Variants in OR2G6 observed in about 807,000 individuals in gnomAD.
The protein encoded by OR2G6 is olfactory receptor family 2 subfamily G member 6.
For synonymous variants in OR2G6, 183 were observed against 155.2 expected (o/e 1.18, Z -1.33); for missense variants, 457 against 391.3 (o/e 1.17, Z -1.42).
rs1664312582 is a variant in OR2G6 at position 248,522,466 on chromosome 1, G to T, written c.820G>T (p.Val274Phe). ...GAGATCCAAAAACCAGGGAAAGTTT[G>T]TTTCTCTTTTCTATACCATAGTCAC... is the stretch of plus-strand genomic sequence containing the variant. ...NRRSKNQGKFVSLFYTIVTPL... is the reference protein window; with the variant it reads ...NRRSKNQGKFFSLFYTIVTPL... The change falls in exon 2 of 2, where the codon GTT becomes TTT. Residue 274 changes from valine to phenylalanine, a missense_variant. Transcript: ENST00000641804. The T allele has an allele frequency of 1.2e-6, 2 of 1,613,522 alleles. No homozygotes were observed. The highest frequency in any genetic ancestry group is 8.5e-7 in the Non-Finnish European group (1 of 1,179,942).
In OR2G6 at chr1:248,522,835, A is replaced by C; in HGVS notation, c.*238A>C. On this transcript the variant is annotated 3_prime_UTR_variant, in exon 2 of 2. Transcript: ENST00000641804. ...ATTCTAAAGAAGAGAAACACACCAA[A>C]GCAGCATGAGGGTTCATCCTCCCAG... 1 of 479,874 alleles carries C rather than the reference A, an allele frequency of 2.1e-6. No homozygotes were observed. Among genetic ancestry groups the C allele is most frequent in the Middle Eastern group, 5.3e-4 (1 of 1,876 alleles). 29.7% of individuals were successfully genotyped at this position (479,874 alleles called of 1,614,324 possible). A position where few individuals can be genotyped will look rare whatever the true frequency, so the allele number is the denominator to read the frequency against.
At position 248,521,591 on chromosome 1, in the gene OR2G6, C is replaced by T. The variant is rs891181469; in HGVS notation, c.-36-20C>T. 3 of 1,255,372 alleles carry T rather than the reference C, an allele frequency of 2.4e-6. No individual in the cohort carries two copies. Among genetic ancestry groups the T allele is most frequent in the Admixed American group, 2.0e-5 (1 of 50,688 alleles). 77.8% of individuals were successfully genotyped at this position (1,255,372 alleles called of 1,614,324 possible). On this transcript the variant is annotated intron_variant, in intron 1 of 1. Transcript: ENST00000641804. ...ATTCTTGACCTCATTACTTTCTATC[C>T]CCAAATATTAATCACTTAGTATTTG... is the stretch of plus-strand genomic sequence containing the variant.
rs1664369201 is a variant in OR2G6 at position 248,525,147 on chromosome 1, G to GAAAC, written c.*2550_*2551insAAAC. The GAAAC allele has an allele frequency of 6.6e-6, 1 of 151,880 alleles. No homozygotes were observed. Among genetic ancestry groups the GAAAC allele is most frequent in the East Asian group, 1.9e-4 (1 of 5,190 alleles). The allele number at this position is 151,880 out of a possible 1,614,324, so 9.4% of individuals were successfully genotyped here. ...TCTTCCCTATAATTGAATAACATGA[G>GAAAC]TAGTTTCTCTTTTTTAAATACCTAC... On this transcript the variant is annotated 3_prime_UTR_variant, in exon 2 of 2. Coordinates refer to ENST00000641804, the MANE Select transcript of OR2G6 (RefSeq NM_001013355.2).
rs115003693 is a variant in OR2G6, at chr1:248,522,557, T to C, written c.911T>C (p.Leu304Pro). 3.3e-5 allele frequency: 53 copies of C among 1,613,392 alleles called. No homozygotes were observed. In the African/African-American group the frequency reaches 6.8e-4, roughly 21 times the overall value. The change falls in exon 2 of 2, where the codon CTG (leucine) becomes CCG (proline). Residue 304 changes from leucine (L) to proline (P), a missense_variant. Physicochemically the swap from Leu to Pro is moderately conservative, Grantham distance 98 (BLOSUM62 -3). Transcript: ENST00000641804. ...GATGTGAAAGGGGCCTTGAGGACCC[T>C]GATACTGGGTAGTGCTGCTGGACAA... Reference protein sequence around the residue: ...NKDVKGALRTLILGSAAGQSH... With the variant: ...NKDVKGALRTPILGSAAGQSH...
rs930526630 is a variant in OR2G6 at position 248,523,969 on chromosome 1, C to G, written c.*1372C>G. ...TTTCTTTTTTGGACAGGGTCTTGCT[C>G]TGTTGCCCAGGCTGGAGTGCAGTGG... is the stretch of plus-strand genomic sequence containing the variant. On this transcript the variant is annotated 3_prime_UTR_variant, in exon 2 of 2. Coordinates refer to ENST00000641804, the MANE Select transcript of OR2G6 (RefSeq NM_001013355.2). 2.0e-5 allele frequency: 3 copies of G among 152,214 alleles called. No individual in the cohort carries two copies. Among genetic ancestry groups the G allele is most frequent in the East Asian group, 1.9e-4 (1 of 5,202 alleles). 9.4% of individuals were successfully genotyped at this position (152,214 alleles called of 1,614,324 possible).
Position 248,522,251 on chromosome 1 carries a change from C to G in OR2G6, c.605C>G (p.Ala202Gly). The G allele has an allele frequency of 1.2e-6, 2 of 1,614,064 alleles. No individual in the cohort carries two copies. Among genetic ancestry groups the G allele is most frequent in the Non-Finnish European group, 1.7e-6 (2 of 1,179,968 alleles). The change falls in exon 2 of 2, where the codon GCC becomes GGC. Residue 202 changes from alanine (A) to glycine (G), a missense_variant. Coordinates refer to ENST00000641804, the MANE Select transcript of OR2G6 (RefSeq NM_001013355.2). ...TTCAACGAGGCAGAACTCTTTGTGGCCAGTGTAGTCTTTCTAATTGTCCCG... is the reference window on the plus strand; with the variant it reads ...TTCAACGAGGCAGAACTCTTTGTGGGCAGTGTAGTCTTTCTAATTGTCCCG... ...TTFNEAELFVASVVFLIVPVL... is the reference protein window; with the variant it reads ...TTFNEAELFVGSVVFLIVPVL...
At position 248,523,789 on chromosome 1, in the gene OR2G6, A is replaced by T. The variant is rs971995125; in HGVS notation, c.*1192A>T. On this transcript the variant is annotated 3_prime_UTR_variant, in exon 2 of 2. Transcript: ENST00000641804. ...CTCAAGTATTTTAAGAGAACTGTGC[A>T]ATTATAGAAAAAAGTGATTTAATCT... 1 of 152,332 alleles carries T rather than the reference A, an allele frequency of 6.6e-6. No homozygotes were observed. The highest frequency in any genetic ancestry group is 1.9e-4 in the East Asian group (1 of 5,188). The allele number at this position is 152,332 out of a possible 1,614,324, so 9.4% of individuals were successfully genotyped here. A position where few individuals can be genotyped will look rare whatever the true frequency, so the allele number is the denominator to read the frequency against.
rs971687454 is a variant in OR2G6 at position 248,523,576 on chromosome 1, T to C, written c.*979T>C. On this transcript the variant is annotated 3_prime_UTR_variant, in exon 2 of 2. Transcript: ENST00000641804. ...TCTCACGTTAACGATCATAGTTATA[T>C]GTTTGGTTTCCAAAACAGCAAAAAA... The C allele has an allele frequency of 6.6e-6, 1 of 152,226 alleles. No homozygotes were observed. The highest frequency in any genetic ancestry group is 1.5e-5 in the Non-Finnish European group (1 of 68,050). 9.4% of individuals were successfully genotyped at this position (152,226 alleles called of 1,614,324 possible).
intron 1 of OR2G6, among the ~76,000 whole-genome samples, chr1:248,520,507 C>T (rs1664261142): frequency 1.3e-5 from 2 of 151,968 alleles, no homozygotes; most frequent in African/African-American, 4.8e-5. Flanking sequence ...TTTCATTTTA[C>T]AAATTCTCCC....
chr1:248,524,169 G>A lies in OR2G6; in HGVS notation c.*1572G>A, dbSNP rs1196923265. The A allele has an allele frequency of 1.3e-5, 2 of 152,192 alleles. No homozygotes were observed. Among genetic ancestry groups the A allele is most frequent in the African/African-American group, 4.8e-5 (2 of 41,418 alleles). The allele number at this position is 152,192 out of a possible 1,614,324, so 9.4% of individuals were successfully genotyped here. A position where few individuals can be genotyped will look rare whatever the true frequency, so the allele number is the denominator to read the frequency against. On this transcript the variant is annotated 3_prime_UTR_variant, in exon 2 of 2. Coordinates refer to ENST00000641804, the MANE Select transcript of OR2G6 (RefSeq NM_001013355.2). ...TCTCCTACCAAAGCCTGGACTGAAG[G>A]CAAAATGGCTGCGCACACAAGAACA...
At position 248,523,603 on chromosome 1, in the gene OR2G6, A is replaced by T. The variant is rs938409253; in HGVS notation, c.*1006A>T. The T allele has an allele frequency of 2.0e-5, 3 of 152,182 alleles. No individual in the cohort carries two copies. The highest frequency in any genetic ancestry group is 4.8e-5 in the African/African-American group (2 of 41,432). 9.4% of individuals were successfully genotyped at this position (152,182 alleles called of 1,614,324 possible). On this transcript the variant is annotated 3_prime_UTR_variant, in exon 2 of 2. Transcript: ENST00000641804. ...TTTGGTTTCCAAAACAGCAAAAAAA[A>T]TGAAATATTTAGAAGCATTTTAATA...
In OR2G6 at chr1:248,522,807, G is replaced by A; in HGVS notation, c.*210G>A. 3.8e-6 allele frequency: 2 copies of A among 526,560 alleles called. No individual in the cohort carries two copies. 32.6% of individuals were successfully genotyped at this position (526,560 alleles called of 1,614,324 possible). ...AAAGCCACAGGGACTAGGAAGCATT[G>A]GAATTCTAAAGAAGAGAAACACACC... On this transcript the variant is annotated 3_prime_UTR_variant, in exon 2 of 2. Coordinates refer to ENST00000641804, the MANE Select transcript of OR2G6 (RefSeq NM_001013355.2).
rs1558373090 is a variant in OR2G6, at chr1:248,523,160, T to TTTGC, written c.*563_*564insTTGC. 3.1e-4 allele frequency: 48 copies of TTTGC among 153,616 alleles called. No homozygotes were observed. Among genetic ancestry groups the TTTGC allele is most frequent in the African/African-American group, 1.1e-3 (46 of 41,560 alleles). The allele number at this position is 153,616 out of a possible 1,614,324, so 9.5% of individuals were successfully genotyped here. A position where few individuals can be genotyped will look rare whatever the true frequency, so the allele number is the denominator to read the frequency against. Reference sequence around the variant, plus strand: ...TTTGAGATATATGTATACATATATCTCTAACTAGGCAAAGCAATGTATATA... The same window carrying TTTGC: ...TTTGAGATATATGTATACATATATCTTTGCCTAACTAGGCAAAGCAATGTATATA... On this transcript the variant is annotated 3_prime_UTR_variant, in exon 2 of 2. Coordinates refer to ENST00000641804, the MANE Select transcript of OR2G6 (RefSeq NM_001013355.2).
In OR2G6 at chr1:248,522,608, G is replaced by A; in HGVS notation, c.*11G>A. The A allele has an allele frequency of 3.2e-6, 5 of 1,570,084 alleles. No individual in the cohort carries two copies. The highest frequency in any genetic ancestry group is 2.2e-5 in the East Asian group (1 of 44,694). Reference sequence around the variant, plus strand: ...AGCCACAAGGACTAGGAAACACCTGGAATTCTAAACAAGGGAAACACCTCA... The same window carrying A: ...AGCCACAAGGACTAGGAAACACCTGAAATTCTAAACAAGGGAAACACCTCA... On this transcript the variant is annotated 3_prime_UTR_variant, in exon 2 of 2. Transcript: ENST00000641804.
At position 248,522,931 on chromosome 1, in the gene OR2G6, A is replaced by G. The variant is rs887518892; in HGVS notation, c.*334A>G. The G allele has an allele frequency of 1.4e-4, 32 of 234,366 alleles. 1 individual carries two copies. The highest frequency in any genetic ancestry group is 2.2e-4 in the Non-Finnish European group (26 of 120,770). The allele number at this position is 234,366 out of a possible 1,614,324, so 14.5% of individuals were successfully genotyped here. A position where few individuals can be genotyped will look rare whatever the true frequency, so the allele number is the denominator to read the frequency against. On this transcript the variant is annotated 3_prime_UTR_variant, in exon 2 of 2. Coordinates refer to ENST00000641804, the MANE Select transcript of OR2G6 (RefSeq NM_001013355.2). ...AATGTTTGTCCTTCATCCACCTGCC[A>G]TCAAGGTTCATGTATCCATTATTTC...
At chr1:248,520,086 A>C (rs1289776344) in intron 1 of OR2G6, among the ~76,000 whole-genome samples, 1 of 152,334 alleles carries the variant, frequency 6.6e-6, no homozygotes, top group East Asian at 1.9e-4. Flanking sequence ...ATGGAATACT[A>C]TGCAGCCATA....
chr1:248,522,004 T>C lies in OR2G6; in HGVS notation c.358T>C (p.Tyr120His). 6.2e-7 allele frequency: 1 copy of C among 1,614,162 alleles called. No individual in the cohort carries two copies. Among genetic ancestry groups the C allele is most frequent in the East Asian group, 2.2e-5 (1 of 44,880 alleles). ...SECILLAVMA[Y>H]DRYAAVCRPL... ...GTGTATTCTCTTGGCCGTCATGGCT[T>C]ATGACCGCTATGCTGCTGTCTGCCG... The change falls in exon 2 of 2, where the codon TAT becomes CAT. Residue 120 changes from tyrosine (Y) to histidine (H), a missense_variant. Tyr to His is a moderately conservative substitution (Grantham distance 83, BLOSUM62 2). Transcript: ENST00000641804.
At position 248,523,155 on chromosome 1, in the gene OR2G6, A is replaced by G. The variant is rs887460138; in HGVS notation, c.*558A>G. The G allele has an allele frequency of 6.5e-6, 1 of 153,850 alleles. No individual in the cohort carries two copies. Among genetic ancestry groups the G allele is most frequent in the African/African-American group, 2.4e-5 (1 of 41,448 alleles). The allele number at this position is 153,850 out of a possible 1,614,324, so 9.5% of individuals were successfully genotyped here. ...TCACATTTGAGATATATGTATACAT[A>G]TATCTCTAACTAGGCAAAGCAATGT... On this transcript the variant is annotated 3_prime_UTR_variant, in exon 2 of 2. Coordinates refer to ENST00000641804, the MANE Select transcript of OR2G6 (RefSeq NM_001013355.2).
intron 1 of OR2G6, among the ~76,000 whole-genome samples, chr1:248,520,445 A>G (rs1178085130): frequency 1.3e-5 from 2 of 152,216 alleles, no homozygotes; most frequent in African/African-American, 4.8e-5. Flanking sequence ...TTGGCTTTCG[A>G]TGTAATTCTA....
Sources: allele counts gnomAD v4.1 joint callset (sites outside exome capture counted in the v4.1 genomes callset), GRCh38; gene constraint gnomAD v4.1.1; transcripts MANE v1.5; gene names NCBI Gene and HGNC (gene_info 2026-07-23, HGNC 2026-07-21).